Variants in ATG7 observed in about 807,000 individuals in gnomAD.
ATG7 encodes the protein autophagy related 7.
Under a neutral mutation model 82.4 loss-of-function variants are expected in ATG7, and 70 were observed. That is an observed-to-expected ratio of 0.85 (90% CI 0.70 to 1.04). ATG7 has a LOEUF of 1.04. Among genes scored for constraint, ATG7 ranks in the 50% least tolerant of loss-of-function variants. ATG7 has a pLI of 0.00. For missense variants in ATG7, 792 were observed against 864.3 expected (o/e 0.92, Z 1.05); for synonymous variants, 287 against 313.0 (o/e 0.92, Z 0.88).
At chr3:11,565,139 G>T in the ATG7 span, 1 of 1,042,984 alleles carries the variant, frequency 9.6e-7, no homozygotes, top group Non-Finnish European at 1.3e-6. The surrounding 1 kb of genome is among the most constrained non-coding windows in gnomAD (Gnocchi z 4.1). Flanking sequence ...AGGTCGTGTG[G>T]CTGGGCAGCA....
At chr3:11,495,478 C>T (rs2090751768) in intron 20 of ATG7, among the ~76,000 whole-genome samples, 1 of 152,114 alleles carries the variant, frequency 6.6e-6, no homozygotes, top group Non-Finnish European at 1.5e-5. Flanking sequence ...CTTGATAATG[C>T]CAGCAACTCC....
At chr3:11,450,661 C>G (rs1043819342) in intron 20 of ATG7, among the ~76,000 whole-genome samples, 2 of 152,232 alleles carry the variant, frequency 1.3e-5, no homozygotes, top group African/African-American at 4.8e-5. Context: ...GAGGGACCAT[C>G]TTGCCAATTT....
At chr3:11,429,971 C>G (rs543848126) in intron 20 of ATG7, among the ~76,000 whole-genome samples, 24 of 138,692 alleles carry the variant, frequency 1.7e-4, no homozygotes, top group Non-Finnish European at 3.6e-4. Flanking sequence ...AAAAAAAATT[C>G]TGTGAAAAGG....
At chr3:11,454,962 T>C (rs530906416) in intron 20 of ATG7, among the ~76,000 whole-genome samples, 2 of 152,174 alleles carry the variant, frequency 1.3e-5, no homozygotes, top group Admixed American at 1.3e-4. Context: ...TTTTAAAATA[T>C]TATCAAAACT....
intron 3 of ATG7, among the ~76,000 whole-genome samples, chr3:11,295,836 G>C (rs1326984468): frequency 6.7e-6 from 1 of 149,782 alleles, no homozygotes; most frequent in East Asian, 2.0e-4. Flanking sequence ...GCCCAGGCTG[G>C]AGTGCAATGG....
chr3:11,553,391 T>C (rs1303639983), intron 20 of ATG7, among the ~76,000 whole-genome samples: 3 of 148,100 alleles, frequency 2.0e-5, no homozygotes, highest in Non-Finnish European at 4.5e-5. Flanking sequence ...GTTCGTTGAA[T>C]GGGAGAGTGA....
intron 20 of ATG7, among the ~76,000 whole-genome samples, chr3:11,546,415 G>A (rs1185701121): frequency 2.6e-5 from 4 of 152,094 alleles, no homozygotes; most frequent in South Asian, 2.1e-4. Context: ...CAGGTGATCC[G>A]CCTGACTTGG....
At chr3:11,482,223 C>A (rs999336716) in intron 20 of ATG7, among the ~76,000 whole-genome samples, 8 of 152,190 alleles carry the variant, frequency 5.3e-5, no homozygotes, top group Admixed American at 1.3e-4. Context: ...CTCCCTGAGC[C>A]CTTGGCTGGG....
intron 18 of ATG7, among the ~76,000 whole-genome samples, chr3:11,372,839 TGC>T (rs55998493): frequency 0.6 from 69,933 of 116,376 alleles, 19,710 homozygotes; most frequent in East Asian, 0.69. Context: ...TGTGTGTGCG[TGC>T]GTGCGTGTGC....
At chr3:11,371,376 A>AGAAGGCAG (rs2076986519) in intron 18 of ATG7, among the ~76,000 whole-genome samples, 1 of 151,066 alleles carries the variant, frequency 6.6e-6, no homozygotes, top group African/African-American at 2.4e-5. Context: ...GGCACAGCGG[A>AGAAGGCAG]GAAGGCAGGA....
At chr3:11,400,989 G>A (rs1445146020) in intron 19 of ATG7, among the ~76,000 whole-genome samples, 1 of 152,098 alleles carries the variant, frequency 6.6e-6, no homozygotes, top group Non-Finnish European at 1.5e-5. Context: ...GCTAAAGATG[G>A]ACTTTAAAAA....
In ATG7 at chr3:11,364,780, A is replaced by G. The variant is rs760604585; in HGVS notation, c.1875+46A>G. ...ATCACAATTCTTTTGGTACAGGGGG[A>G]AAGCATGTGGGGTCTCTTTGCCATT... On this transcript the variant is annotated intron_variant, in intron 18 of 20. Coordinates refer to ENST00000693202, the MANE Select transcript of ATG7 (RefSeq NM_001349232.2). 6.3e-6 allele frequency: 10 copies of G among 1,598,232 alleles called. No homozygotes were observed. The South Asian group carries it at 1.1e-4, about 18-fold the overall frequency.
chr3:11,574,785 ATGTG>A, the ATG7 span, among the ~76,000 whole-genome samples: 4,647 of 121,644 alleles, frequency 0.038, 64 homozygotes, highest in Middle Eastern at 0.067. Flanking sequence ...TCAACTATAT[ATGTG>A]TGTGTGTGTG....
chr3:11,325,072 C>G lies in ATG7; in HGVS notation c.679-6268C>G, dbSNP rs182380525. Among the ~76,000 whole-genome samples, 4 of 152,340 alleles carry G rather than the reference C, an allele frequency of 2.6e-5. No individual in the cohort carries two copies. The East Asian group carries it at 7.7e-4, about 29-fold the overall frequency. ...TTACCTACAGTATTAAGTATGGTCA[C>G]ATGCTCTCCAGGTTTCTAGCCTAGG... On this transcript the variant is annotated intron_variant, in intron 9 of 20. Coordinates refer to ENST00000693202, the MANE Select transcript of ATG7 (RefSeq NM_001349232.2).
chr3:11,300,387 AAGC>A (rs1239618944), intron 5 of ATG7, among the ~76,000 whole-genome samples: 1 of 152,190 alleles, frequency 6.6e-6, no homozygotes, highest in Non-Finnish European at 1.5e-5. Context: ...CAAATTTAGA[AAGC>A]AGGGGTGAGA....
intron 20 of ATG7, among the ~76,000 whole-genome samples, chr3:11,445,399 G>A (rs77872841): frequency 6.6e-6 from 1 of 152,144 alleles, no homozygotes; most frequent in East Asian, 1.9e-4. Flanking sequence ...GGATGGAGCT[G>A]GAGGCCTTTA....
rs58430409 is a variant in ATG7, at chr3:11,525,556, CTT to C, written c.2080-29239_2080-29238del. Among the ~76,000 whole-genome samples the C allele has an allele frequency of 4.8e-4, 59 of 123,594 alleles. 1 individual carries two copies. The highest frequency in any genetic ancestry group is 4.1e-3 in the Middle Eastern group (1 of 246). 81.1% of individuals were successfully genotyped at this position (123,594 alleles called of 152,430 possible). Reference sequence around the variant, plus strand: ...GCCAACATTAATATCTAGTTATAGCCTTTTTTTTTTTTTTTTTAAACGGAGTC... The same window carrying C: ...GCCAACATTAATATCTAGTTATAGCCTTTTTTTTTTTTTTTAAACGGAGTC... On this transcript the variant is annotated intron_variant, in intron 20 of 20. Transcript: ENST00000693202.
chr3:11,519,421 T>C (rs2092371691), intron 20 of ATG7, among the ~76,000 whole-genome samples: 1 of 152,104 alleles, frequency 6.6e-6, no homozygotes, highest in Non-Finnish European at 1.5e-5. Flanking sequence ...TGGGATTGAC[T>C]TGAGAAGCAC....
intron 20 of ATG7, among the ~76,000 whole-genome samples, chr3:11,549,061 C>T (rs1199097241): frequency 6.6e-6 from 1 of 151,710 alleles, no homozygotes; most frequent in Non-Finnish European, 1.5e-5. Context: ...TATCTCAGTG[C>T]AGCTTTTTTT....
Sources: gnomAD v4.1 joint callset for allele counts (sites outside exome capture counted in the v4.1 genomes callset) on GRCh38, gnomAD v4.1.1 for gene constraint, Gnocchi (gnomAD v3.1) non-coding constraint, MANE v1.5 for transcripts, NCBI Gene and HGNC (gene_info 2026-07-23, HGNC 2026-07-21) for gene names.